The following KCNT1 variants were observed in gnomAD, a reference collection of about 807,000 sequenced individuals.
KCNT1 encodes potassium sodium-activated channel subfamily T member 1.
Under a neutral mutation model 147.8 loss-of-function variants are expected in KCNT1, and 78 were observed. The ratio of observed to expected loss-of-function variants is 0.53; its 90% CI spans 0.44 to 0.64. The LOEUF (loss-of-function observed/expected upper bound fraction) is 0.64, where lower values mean the gene tolerates loss of function less well. Ranked by LOEUF, KCNT1 falls within the 30% of genes least tolerant of loss-of-function variation. The pLI is 0.00. For missense variants in KCNT1, 1,419 were observed against 1,750.3 expected, an observed-to-expected ratio of 0.81 and a Z score of 3.38; for synonymous variants, 867 against 748.8, an observed-to-expected ratio of 1.16 and a Z score of -2.58.
At chr9:135,781,185 C>T (rs1018119037) in intron 24 of KCNT1, among the ~76,000 whole-genome samples, 5 of 152,234 alleles carry the variant, frequency 3.3e-5, no homozygotes, top group South Asian at 2.1e-4. Flanking sequence ...CATGCGATTC[C>T]GTGGCAGTTG....
chr9:135,750,829 G>T, intron 3 of KCNT1, 113 bp from the exon 4 acceptor site: 1 of 903,612 alleles, frequency 1.1e-6, no homozygotes, highest in East Asian at 2.4e-5. Context: ...CCCGGGTGTG[G>T]GAGGGGAGCC....
intron 2 of KCNT1, among the ~76,000 whole-genome samples, chr9:135,746,653 G>A (rs1238994320): frequency 6.6e-6 from 1 of 152,090 alleles, no homozygotes; most frequent in South Asian, 2.1e-4. Context: ...CCAGGTCCAC[G>A]GGGAGGTAAA....
chr9:135,772,880 G>C lies in KCNT1; in HGVS notation c.2174G>C (p.Cys725Ser), dbSNP rs756112023. ...ELADSSALLP[C>S]DLLSDQSEDE... ...GCCGACAGCTCAGCCCTGCTGCCCT[G>C]CGACCTGCTGAGCGACCAGTCGGAG... Residue 725 changes from cysteine to serine, a missense_variant, in exon 19 of 31, where the codon TGC becomes TCC. This residue lies in a region of KCNT1 where 284 missense variants were observed against 292.8 expected (regional missense o/e 0.97). Transcript: ENST00000371757. The C allele has an allele frequency of 2.7e-5, 42 of 1,559,386 alleles. No individual in the cohort carries two copies. Among genetic ancestry groups the C allele is most frequent in the Non-Finnish European group, 3.2e-5 (37 of 1,152,928 alleles).
chr9:135,742,669 G>A (rs888153103), intron 2 of KCNT1: 2 of 706,680 alleles, frequency 2.8e-6, no homozygotes, highest in South Asian at 1.5e-5. Flanking sequence ...CTCTCCATCT[G>A]TCTGTCTACT....
rs141037058 is a variant in KCNT1 at position 135,760,850 on chromosome 9, A to G, written c.1035+991A>G. ...GTCGGCCACTCCACCGTCCAGTGCC[A>G]CGAGTCCCGCTCCTGTGAGCTGCCC... On this transcript the variant is annotated intron_variant, in intron 11 of 30. Transcript: ENST00000371757. 1.0e-3 allele frequency among the ~76,000 whole-genome samples: 155 copies of G among 152,320 alleles called. 1 individual carries two copies. The highest frequency in any genetic ancestry group is 1.9e-3 in the Non-Finnish European group (129 of 68,026).
chr9:135,765,904 A>G (rs2131479121), intron 13 of KCNT1, 144 bp downstream of exon 13: 2 of 813,010 alleles, frequency 2.5e-6, no homozygotes, highest in Non-Finnish European at 3.8e-6. Context: ...TGGACCATCT[A>G]GGTGGACTGT....
At chr9:135,764,953 G>A in intron 11 of KCNT1, 78 bp from the exon 12 acceptor site, 1 of 1,494,930 alleles carries the variant, frequency 6.7e-7, no homozygotes, top group Admixed American at 2.0e-5. Flanking sequence ...ACAGTCGTGT[G>A]TCAGGGCCCA....
chr9:135,757,078 T>G, intron 7 of KCNT1, 78 bp from the exon 8 acceptor site: 1 of 942,544 alleles, frequency 1.1e-6, no homozygotes, highest in Non-Finnish European at 1.6e-6. Flanking sequence ...CTCGCCCTCT[T>G]CCCCACCCTG....
rs1041411389 is a variant in KCNT1 at position 135,795,014 on chromosome 9, C to G, written c.*2853C>G. Reference sequence around the variant, plus strand: ...AGAAGTCATCACTGCCTAGAATAAGCGAAAAGAATTTTTTTTAATGTTTTA... The same window carrying G: ...AGAAGTCATCACTGCCTAGAATAAGGGAAAAGAATTTTTTTTAATGTTTTA... On this transcript the variant is annotated 3_prime_UTR_variant, in exon 31 of 31. Transcript: ENST00000371757. 6.6e-6 allele frequency: 1 copy of G among 151,946 alleles called. No homozygotes were observed. The highest frequency in any genetic ancestry group is 2.4e-5 in the African/African-American group (1 of 41,378). The allele number at this position is 151,946 out of a possible 1,614,324, so 9.4% of individuals were successfully genotyped here.
chr9:135,702,327 C>T lies in KCNT1; in HGVS notation c.69C>T (p.Thr23=). The change falls in exon 1 of 31, where the codon ACC becomes ACT. Residue 23 remains threonine (T), a synonymous_variant. Coordinates refer to ENST00000371757, the MANE Select transcript of KCNT1 (RefSeq NM_020822.3). Reference sequence around the variant, plus strand: ...GGGAGGCGCGCGGCGGGGGCTACACCAACCGGACCTTCGAGTTTGACGACG... The same window carrying T: ...GGGAGGCGCGCGGCGGGGGCTACACTAACCGGACCTTCGAGTTTGACGACG... ...VCREARGGGY[T]NRTFEFDDGQ... is the part of the protein sequence containing the mutation. 3 of 1,611,746 alleles carry T rather than the reference C, an allele frequency of 1.9e-6. No homozygotes were observed. The highest frequency in any genetic ancestry group is 2.2e-5 in the South Asian group (2 of 91,058).
In KCNT1 at chr9:135,735,073, G is replaced by C. The variant is rs568311159; in HGVS notation, c.255-15025G>C. The stretch of plus-strand genomic sequence containing the variant: ...GGGTTGAAGGGGGCTTCCATCTGCT[G>C]GTGCTCCCCAACACCAGGGGCTGGC... On this transcript the variant is annotated intron_variant, in intron 2 of 30. Transcript: ENST00000371757. Among the ~76,000 whole-genome samples, 3 of 152,346 alleles carry C rather than the reference G, an allele frequency of 2.0e-5. No homozygotes were observed. The East Asian group carries it at 5.8e-4, about 29-fold the overall frequency.
intron 23 of KCNT1, among the ~76,000 whole-genome samples, chr9:135,779,115 A>C: frequency 8.8e-6 from 1 of 113,692 alleles, no homozygotes; most frequent in East Asian, 2.9e-4. Context: ...CACAGCCACG[A>C]CCACAAGCCC....
intron 10 of KCNT1, 49 bp downstream of exon 10, chr9:135,758,557 G>C (rs530571866): frequency 6.7e-7 from 1 of 1,484,270 alleles, no homozygotes; most frequent in Admixed American, 1.7e-5. Context: ...GGGAGGGCCC[G>C]AGAGGCAAGC....
At position 135,783,292 on chromosome 9, in the gene KCNT1, G is replaced by A. The variant is rs978883692; in HGVS notation, c.2842-732G>A. ...AGGGAGAGGCCAGAGGTCCCCATCC[G>A]GTGGGAAGAAGCTGCACGGCCAGCT... On this transcript the variant is annotated intron_variant, in intron 24 of 30. Transcript: ENST00000371757. 9.8e-5 allele frequency among the ~76,000 whole-genome samples: 15 copies of A among 152,344 alleles called. 1 individual carries two copies. The South Asian group carries it at 2.7e-3, about 27-fold the overall frequency.
Position 135,759,721 on chromosome 9 carries a change from G to T in KCNT1, c.897G>T (p.Leu299=). The T allele has an allele frequency of 1.2e-6, 2 of 1,613,214 alleles. No individual in the cohort carries two copies. Among genetic ancestry groups the T allele is most frequent in the Non-Finnish European group, 1.7e-6 (2 of 1,179,686 alleles). The part of the protein sequence containing the change: ...IQHLERAGEN[L]SLLTSFYFCI... ...ACCTGGAGCGGGCGGGCGAGAACCT[G>T]TCCCTCCTGACCTCCTTCTACTTCT... The change falls in exon 11 of 31, where the codon CTG becomes CTT. Residue 299 remains leucine (L), a synonymous_variant. Transcript: ENST00000371757.
intron 19 of KCNT1, among the ~76,000 whole-genome samples, 193 bp downstream of exon 19, chr9:135,773,142 G>A (rs1020058541): frequency 6.6e-6 from 1 of 152,208 alleles, no homozygotes; most frequent in East Asian, 1.9e-4. Flanking sequence ...CATCACCCTC[G>A]TCGCCGGGGA....
chr9:135,748,170 G>A (rs990844057), intron 2 of KCNT1, among the ~76,000 whole-genome samples: 54 of 152,170 alleles, frequency 3.5e-4, no homozygotes, highest in Non-Finnish European at 6.3e-4. Context: ...CCGGCCTCAA[G>A]CGATCCTCCC....
chr9:135,719,710 C>T (rs1212732012), intron 2 of KCNT1, among the ~76,000 whole-genome samples: 2 of 152,182 alleles, frequency 1.3e-5, no homozygotes, highest in Non-Finnish European at 2.9e-5. Flanking sequence ...CAAGAGGAAG[C>T]TTCGTCCCTG....
chr9:135,727,301 C>G (rs773715945), intron 2 of KCNT1, among the ~76,000 whole-genome samples: 1 of 100,066 alleles, frequency 1.0e-5, no homozygotes, highest in Non-Finnish European at 2.1e-5. Flanking sequence ...CCCTGTCCCT[C>G]TCTTTCCCAT....
Sources: allele counts gnomAD v4.1 joint callset (sites outside exome capture counted in the v4.1 genomes callset), GRCh38; gene constraint gnomAD v4.1.1; regional missense constraint gnomAD v4.1.1; transcripts MANE v1.5; gene names NCBI Gene and HGNC (gene_info 2026-07-23, HGNC 2026-07-21).